NTF3: variants seen among roughly 807,000 people sequenced by gnomAD.
NTF3 encodes neurotrophin 3.
A neutral mutation model predicts 26.3 loss-of-function variants in NTF3; 8 were observed. The ratio of observed to expected loss-of-function variants is 0.30; its 90% CI spans 0.18 to 0.55. The LOEUF is 0.55. Ranked by LOEUF, NTF3 falls within the 20% of genes least tolerant of loss-of-function variation. The pLI is 0.93. For synonymous variants in NTF3, 154 were observed against 145.5 expected (o/e 1.06, Z -0.42); for missense variants, 276 against 352.9 (o/e 0.78, Z 1.75).
At chr12:5,430,395 CCT>C (rs1940069997), upstream of NTF3, among the ~76,000 whole-genome samples, 1 of 151,832 alleles carries the variant, frequency 6.6e-6, no homozygotes, top group African/African-American at 2.4e-5. Flanking sequence ...CTCTTCTGGC[CCT>C]GAGGAAGACG....
intron 1 of NTF3, among the ~76,000 whole-genome samples, chr12:5,459,991 A>T (rs1423822110): frequency 6.6e-6 from 1 of 152,176 alleles, no homozygotes; most frequent in Non-Finnish European, 1.5e-5. Flanking sequence ...GGCTTCACAG[A>T]GGCAGAGCTA....
intron 1 of NTF3, among the ~76,000 whole-genome samples, chr12:5,440,449 C>T (rs1940222864): frequency 1.3e-5 from 2 of 152,310 alleles, no homozygotes; most frequent in East Asian, 1.9e-4. Context: ...AGTGATCCCT[C>T]AGGGAGTTTG....
At chr12:5,472,870 T>C (rs912020284) in intron 1 of NTF3, among the ~76,000 whole-genome samples, 8 of 152,172 alleles carry the variant, frequency 5.3e-5, no homozygotes, top group Non-Finnish European at 1.5e-5. Context: ...GATATCTATG[T>C]TGACGCCTGT....
At chr12:5,490,670 A>G (rs1243096665) in intron 1 of NTF3, among the ~76,000 whole-genome samples, 1 of 152,200 alleles carries the variant, frequency 6.6e-6, no homozygotes, top group Non-Finnish European at 1.5e-5. Flanking sequence ...GCCCCCAGCA[A>G]ATTCAGAAAC....
At chr12:5,460,438 T>C (rs752228055) in intron 1 of NTF3, among the ~76,000 whole-genome samples, 11 of 152,236 alleles carry the variant, frequency 7.2e-5, no homozygotes, top group Non-Finnish European at 1.2e-4. Flanking sequence ...GTAGTTGGAA[T>C]AATACAGTGC....
At chr12:5,479,850 C>A (rs76256454) in intron 1 of NTF3, among the ~76,000 whole-genome samples, 6 of 152,314 alleles carry the variant, frequency 3.9e-5, no homozygotes, top group African/African-American at 1.4e-4. Context: ...TTTGGGAAAG[C>A]CTTGTTGCTC....
chr12:5,459,978 TG>T (rs1158994685), intron 1 of NTF3, among the ~76,000 whole-genome samples: 2 of 152,170 alleles, frequency 1.3e-5, no homozygotes, highest in Non-Finnish European at 2.9e-5. Context: ...ACCCTCCCAC[TG>T]GGGCTTCACA....
chr12:5,436,689 A>G (rs999347634), intron 1 of NTF3, among the ~76,000 whole-genome samples: 20 of 152,226 alleles, frequency 1.3e-4, no homozygotes, highest in African/African-American at 4.6e-4. Context: ...TCTCTTTACA[A>G]TGCAACTTAA....
At chr12:5,464,056 C>T (rs937609742) in intron 1 of NTF3, among the ~76,000 whole-genome samples, 20 of 152,182 alleles carry the variant, frequency 1.3e-4, no homozygotes, top group African/African-American at 4.6e-4. Flanking sequence ...TGTTTTTCTG[C>T]ACTGGCCCAG....
rs570602624 is a variant in NTF3, at chr12:5,437,545, C to T, written c.18+5203C>T. The stretch of plus-strand genomic sequence containing the variant: ...AGCAGTTACAGCACTCCCACCCCAA[C>T]TGGAGGGAATGCAAGTCTGTGCATT... On this transcript the variant is annotated intron_variant, in intron 1 of 1. Transcript: ENST00000423158. Among the ~76,000 whole-genome samples, 37 of 152,272 alleles carry T rather than the reference C, an allele frequency of 2.4e-4. No homozygotes were observed. The South Asian group carries it at 7.5e-3, about 31-fold the overall frequency.
intron 1 of NTF3, among the ~76,000 whole-genome samples, chr12:5,436,632 T>C (rs1940172003): frequency 6.6e-6 from 1 of 152,228 alleles, no homozygotes; most frequent in Admixed American, 6.5e-5. Flanking sequence ...TAAATACAGG[T>C]GCTAGCACGT....
At chr12:5,455,978 C>A (rs1200807025) in intron 1 of NTF3, among the ~76,000 whole-genome samples, 2 of 152,074 alleles carry the variant, frequency 1.3e-5, no homozygotes, top group South Asian at 2.1e-4. Flanking sequence ...CCCAGATAAC[C>A]CTCACAGCTG....
At chr12:5,484,057 C>A (rs1418579249) in intron 1 of NTF3, among the ~76,000 whole-genome samples, 1 of 152,208 alleles carries the variant, frequency 6.6e-6, no homozygotes, top group Admixed American at 6.5e-5. Context: ...GTGCCTCCCC[C>A]AGGAAACCCT....
upstream of NTF3, chr12:5,432,046 G>T: frequency 3.2e-6 from 1 of 309,550 alleles, no homozygotes; most frequent in Non-Finnish European, 6.2e-6. Flanking sequence ...GGGTTAAGGC[G>T]CTGAGCGCGG....
At chr12:5,460,884 A>AACAC (rs147741960) in intron 1 of NTF3, among the ~76,000 whole-genome samples, 1 of 152,072 alleles carries the variant, frequency 6.6e-6, no homozygotes, top group East Asian at 1.9e-4. Flanking sequence ...AACATCTTGG[A>AACAC]ACACACACAC....
chr12:5,477,031 AC>A (rs1940732620), intron 1 of NTF3, among the ~76,000 whole-genome samples: 1 of 152,180 alleles, frequency 6.6e-6, no homozygotes, highest in Non-Finnish European at 1.5e-5. Context: ...TAAGGAAAAA[AC>A]ATCTCTCTAG....
chr12:5,466,986 A>G (rs939608670), intron 1 of NTF3, among the ~76,000 whole-genome samples: 2 of 152,032 alleles, frequency 1.3e-5, no homozygotes, highest in African/African-American at 4.8e-5. Flanking sequence ...TAATTCCAAC[A>G]CTTGGGAGGC....
chr12:5,464,537 G>A (rs888955339), intron 1 of NTF3, among the ~76,000 whole-genome samples: 2 of 152,220 alleles, frequency 1.3e-5, no homozygotes, highest in African/African-American at 4.8e-5. Flanking sequence ...CTTAGGAGGG[G>A]TCATAGGTTG....
At chr12:5,491,220 G>C (rs1214859577) in intron 1 of NTF3, among the ~76,000 whole-genome samples, 1 of 152,174 alleles carries the variant, frequency 6.6e-6, no homozygotes, top group Non-Finnish European at 1.5e-5. Context: ...GTCCTTTCCA[G>C]CTGCAAACCT....
Sources: allele counts gnomAD v4.1 joint callset (sites outside exome capture counted in the v4.1 genomes callset), GRCh38; gene constraint gnomAD v4.1.1; transcripts MANE v1.5; gene names NCBI Gene and HGNC (gene_info 2026-07-23, HGNC 2026-07-21).